Variants in CSGALNACT1 observed in about 807,000 individuals in gnomAD.
CSGALNACT1 encodes the protein beta4GalNAcT-1.
Under a neutral mutation model 51.0 loss-of-function variants are expected in CSGALNACT1, and 52 were observed. The observed-to-expected ratio is 1.02, with a 90% confidence interval of 0.82 to 1.29. The LOEUF (loss-of-function observed/expected upper bound fraction) is 1.29, where lower values mean the gene tolerates loss of function less well. Among genes scored for constraint, CSGALNACT1 ranks in the 50% most tolerant of loss-of-function variants. The pLI, the probability that CSGALNACT1 is intolerant of heterozygous loss-of-function variation, is 0.00. For missense variants in CSGALNACT1, 935 were observed against 679.2 expected, an observed-to-expected ratio of 1.38 and a Z score of -4.19; for synonymous variants, 341 against 254.4, an observed-to-expected ratio of 1.34 and a Z score of -3.24.
chr8:19,547,166 A>G (rs79516059), intron 3 of CSGALNACT1, among the ~76,000 whole-genome samples: 2,056 of 152,300 alleles, frequency 0.013, 42 homozygotes, highest in South Asian at 0.061. Context: ...CACAGGACAA[A>G]GCAAAAATGC....
chr8:19,514,389 T>G (rs1413129634), intron 3 of CSGALNACT1, among the ~76,000 whole-genome samples: 1 of 148,498 alleles, frequency 6.7e-6, no homozygotes, highest in African/African-American at 2.5e-5. Flanking sequence ...TCCTCCTCTT[T>G]CCTCAATACT....
In CSGALNACT1 at chr8:19,494,223, G is replaced by A. The variant is rs139657477; in HGVS notation, c.634+10978C>T. On this transcript the variant is annotated intron_variant, in intron 4 of 9. Coordinates refer to ENST00000454498, the Ensembl canonical transcript of CSGALNACT1. ...CGCCAGCACTAACTGGTTACCTATG[G>A]ATCTCCAGATCAACCAGCTTGTGCA... Among the ~76,000 whole-genome samples the A allele has an allele frequency of 1.6e-4, 24 of 152,062 alleles. No homozygotes were observed. The East Asian group carries it at 2.7e-3, about 17-fold the overall frequency.
At chr8:19,432,092 C>G (rs949788608) in intron 6 of CSGALNACT1, among the ~76,000 whole-genome samples, 2 of 152,126 alleles carry the variant, frequency 1.3e-5, no homozygotes, top group Non-Finnish European at 2.9e-5. Context: ...GTGGATTTGT[C>G]TAGTGTCCTT....
intron 1 of CSGALNACT1, among the ~76,000 whole-genome samples, chr8:19,713,711 A>AC (rs2062641911): frequency 2.0e-5 from 3 of 151,848 alleles, no homozygotes; most frequent in African/African-American, 7.3e-5. Flanking sequence ...GCAAGGAAGG[A>AC]CCCCCTATGG....
intron 6 of CSGALNACT1, among the ~76,000 whole-genome samples, chr8:19,427,795 AAAAG>A (rs1336392247): frequency 6.6e-6 from 1 of 152,088 alleles, no homozygotes; most frequent in Admixed American, 6.5e-5. Context: ...TTCAAAAAAA[AAAAG>A]AAAGAAAATT....
chr8:19,457,724 C>A (rs778758074), intron 5 of CSGALNACT1: 7 of 1,343,084 alleles, frequency 5.2e-6, no homozygotes, highest in African/African-American at 1.5e-5. Flanking sequence ...TATCCTCAGC[C>A]AATATGTGCA....
intron 3 of CSGALNACT1, among the ~76,000 whole-genome samples, chr8:19,563,230 G>T (rs889053326): frequency 2.7e-4 from 41 of 152,094 alleles, no homozygotes; most frequent in African/African-American, 8.7e-4. Flanking sequence ...TGAACAATGA[G>T]AACATATGGA....
chr8:19,466,497 C>G (rs976231357), intron 4 of CSGALNACT1, among the ~76,000 whole-genome samples: 12 of 152,316 alleles, frequency 7.9e-5, no homozygotes, highest in Non-Finnish European at 1.8e-4. Context: ...GTATTTTACT[C>G]TAAAATAGTA....
intron 3 of CSGALNACT1, among the ~76,000 whole-genome samples, chr8:19,577,763 A>T (rs2044606953): frequency 6.6e-6 from 1 of 152,094 alleles, no homozygotes; most frequent in East Asian, 1.9e-4. Context: ...TGACTTGAGT[A>T]AGAAGCTGCA....
At chr8:19,567,075 G>T (rs1347936391) in intron 3 of CSGALNACT1, among the ~76,000 whole-genome samples, 1 of 152,170 alleles carries the variant, frequency 6.6e-6, no homozygotes, top group Non-Finnish European at 1.5e-5. Flanking sequence ...ACTGGTCAAT[G>T]CAAACACTCA....
chr8:19,436,688 C>T (rs1291957256), intron 6 of CSGALNACT1, among the ~76,000 whole-genome samples: 1 of 152,128 alleles, frequency 6.6e-6, no homozygotes, highest in East Asian at 1.9e-4. Context: ...AAGAGGATTG[C>T]TCAAGGCCAG....
At chr8:19,557,700 C>A (rs2039778756) in intron 3 of CSGALNACT1, among the ~76,000 whole-genome samples, 1 of 152,204 alleles carries the variant, frequency 6.6e-6, no homozygotes, top group Admixed American at 6.5e-5. Context: ...ACAGCACCCC[C>A]TGTCAACTCT....
At chr8:19,412,304 G>A (rs1187981192) in intron 8 of CSGALNACT1, among the ~76,000 whole-genome samples, 1 of 152,196 alleles carries the variant, frequency 6.6e-6, no homozygotes, top group Non-Finnish European at 1.5e-5. Flanking sequence ...CAGAGCCACA[G>A]CTCTGTGGAC....
At chr8:19,533,918 A>T (rs986218841) in intron 3 of CSGALNACT1, among the ~76,000 whole-genome samples, 1 of 152,164 alleles carries the variant, frequency 6.6e-6, no homozygotes, top group Admixed American at 6.6e-5. Flanking sequence ...GAAAAAGAGA[A>T]TCTTTACTAT....
intron 1 of CSGALNACT1, among the ~76,000 whole-genome samples, chr8:19,664,943 T>C (rs191304400): frequency 6.6e-6 from 1 of 152,320 alleles, no homozygotes; most frequent in East Asian, 1.9e-4. Context: ...TGTATACTAT[T>C]TGGGTGATGG....
chr8:19,662,214 TC>T (rs1363115391), intron 1 of CSGALNACT1, among the ~76,000 whole-genome samples: 1 of 151,130 alleles, frequency 6.6e-6, no homozygotes, highest in African/African-American at 2.4e-5. Flanking sequence ...TGAAACCCCA[TC>T]TCCACTACAA....
chr8:19,457,950 T>C (rs139317351), intron 5 of CSGALNACT1: 7 of 537,522 alleles, frequency 1.3e-5, no homozygotes, highest in Non-Finnish European at 2.2e-5. Flanking sequence ...ATTCAATGCA[T>C]TGCAGCCACC....
At chr8:19,607,759 G>T (rs1003110402) in intron 1 of CSGALNACT1, among the ~76,000 whole-genome samples, 2 of 152,214 alleles carry the variant, frequency 1.3e-5, no homozygotes, top group Non-Finnish European at 2.9e-5. Flanking sequence ...CTTAACTCCT[G>T]TGAGTCTCCA....
At chr8:19,510,768 T>G (rs1054439073) in intron 3 of CSGALNACT1, among the ~76,000 whole-genome samples, 1 of 152,246 alleles carries the variant, frequency 6.6e-6, no homozygotes, top group Admixed American at 6.5e-5. Context: ...AAATGTTATG[T>G]GTCATCAATA....
Sources: gnomAD v4.1 joint callset for allele counts (sites outside exome capture counted in the v4.1 genomes callset) on GRCh38, gnomAD v4.1.1 for gene constraint, MANE v1.5 for transcripts, NCBI Gene and HGNC (gene_info 2026-07-23, HGNC 2026-07-21) for gene names.